Variants in SAG observed in about 807,000 individuals in gnomAD.
SAG encodes the protein S-arrestin.
SAG carries 45 observed loss-of-function variants against 55.0 expected under a neutral mutation model. The ratio of observed to expected loss-of-function variants is 0.82; its 90% confidence interval spans 0.64 to 1.05. The LOEUF (loss-of-function observed/expected upper bound fraction) is 1.05. SAG is among the 50% of genes least tolerant of loss of function. The pLI is 0.00. For synonymous variants in SAG, 189 were observed against 197.4 expected (o/e 0.96, Z 0.36); for missense variants, 455 against 512.1 (o/e 0.89, Z 1.08).
intron 1 of SAG, among the ~76,000 whole-genome samples, chr2:233,308,336 TCA>T (rs1370224488): frequency 6.6e-6 from 1 of 152,028 alleles, no homozygotes; most frequent in Admixed American, 6.6e-5. Flanking sequence ...AGGCATGGTG[TCA>T]CACACCTGTA....
chr2:233,313,705 C>G (rs2125321913), intron 2 of SAG, among the ~76,000 whole-genome samples: 1 of 139,108 alleles, frequency 7.2e-6, no homozygotes, highest in South Asian at 2.3e-4. Context: ...ACCACCTTGC[C>G]CGGGCTAATC....
chr2:233,337,434 C>T (rs975263446), intron 11 of SAG, among the ~76,000 whole-genome samples: 6 of 152,064 alleles, frequency 3.9e-5, no homozygotes, highest in African/African-American at 1.4e-4. Context: ...GATGGGGTTT[C>T]GCCATGTTGT....
intron 11 of SAG, among the ~76,000 whole-genome samples, chr2:233,337,812 T>C (rs880114): frequency 0.37 from 56,919 of 152,172 alleles, 12,480 homozygotes; most frequent in Non-Finnish European, 0.49. Flanking sequence ...CATGATTTTT[T>C]TCATATCTTA....
At chr2:233,334,838 C>A (rs1700871260) in intron 10 of SAG, 124 bp from the exon 11 acceptor site, 7 of 1,170,602 alleles carry the variant, frequency 6.0e-6, no homozygotes, top group Non-Finnish European at 1.2e-6. Context: ...GGCTCTTGAA[C>A]CCACCTTCCC....
In SAG at chr2:233,319,267, A is replaced by C. The variant is rs1700308154; in HGVS notation, c.181+472A>C. 8.1e-6 allele frequency among the ~76,000 whole-genome samples: 1 copy of C among 122,994 alleles called. No individual in the cohort carries two copies. The highest frequency in any genetic ancestry group is 1.7e-5 in the Non-Finnish European group (1 of 59,120). The allele number at this position is 122,994 out of a possible 152,430, so 80.7% of individuals were successfully genotyped here. Reference sequence around the variant, plus strand: ...ACAGGCAAAATTCTCAACCAACACCAAAAAGGGGGAAATGATGCCTGCTGG... The same window carrying C: ...ACAGGCAAAATTCTCAACCAACACCCAAAAGGGGGAAATGATGCCTGCTGG... On this transcript the variant is annotated intron_variant, in intron 4 of 15. Transcript: ENST00000409110. The surrounding 1 kb of genome is among the most constrained non-coding windows in gnomAD (Gnocchi z 4.4).
Position 233,340,686 on chromosome 2 carries a change from A to G in SAG, c.1046+208A>G, listed in dbSNP as rs954263811. 3.9e-5 allele frequency among the ~76,000 whole-genome samples: 6 copies of G among 151,996 alleles called. No homozygotes were observed. The highest frequency in any genetic ancestry group is 7.4e-5 in the Non-Finnish European group (5 of 68,000). ...CAGATTTCTTTGGGACCACAGCTAG[A>G]CCTATGCCTGGGTAAGGACACACAC... is the stretch of plus-strand genomic sequence containing the variant. On this transcript the variant is annotated intron_variant, in intron 13 of 15. Transcript: ENST00000409110. This position sits in a 1 kb window ranked among gnomAD's most constrained non-coding sequence, Gnocchi z 4.2.
chr2:233,327,487 G>GT (rs1458246554), intron 7 of SAG: 14 of 299,988 alleles, frequency 4.7e-5, no homozygotes, highest in African/African-American at 2.6e-4. Context: ...TTGTTTGTTT[G>GT]TTTTTTGTGG....
rs1273002510 is a variant in SAG at position 233,327,227 on chromosome 2, G to A, written c.512+30G>A. The A allele has an allele frequency of 2.6e-6, 4 of 1,564,526 alleles. No individual in the cohort carries two copies. The Admixed American group carries it at 5.0e-5, about 20-fold the overall frequency. ...GAGTATGGTTGCGGAATAGGTGAGG[G>A]GTCTGCGGTGGGGGTGGAGAGAAGA... On this transcript the variant is annotated intron_variant, in intron 7 of 15. Coordinates refer to ENST00000409110, the MANE Select transcript of SAG (RefSeq NM_000541.5).
intron 14 of SAG, 113 bp downstream of exon 14, chr2:233,342,439 T>A: frequency 1.2e-6 from 1 of 842,780 alleles, no homozygotes; most frequent in Non-Finnish European, 2.0e-6. Flanking sequence ...TGGCCAGGTG[T>A]AAGAGATTCC....
At chr2:233,314,878 A>G (rs920409649) in intron 2 of SAG, among the ~76,000 whole-genome samples, 1 of 152,180 alleles carries the variant, frequency 6.6e-6, no homozygotes. Context: ...GGAATTCAAA[A>G]TATTCATTCG....
chr2:233,308,069 G>A (rs1182803955), intron 1 of SAG, 47 bp downstream of exon 1: 2 of 152,490 alleles, frequency 1.3e-5, no homozygotes, highest in Non-Finnish European at 2.9e-5. Context: ...CCTGGGGCAG[G>A]TGTGGGGAAG....
chr2:233,320,013 G>A (rs767230828), intron 4 of SAG: 296 of 980,538 alleles, frequency 3.0e-4, no homozygotes, highest in Non-Finnish European at 3.3e-4. Flanking sequence ...TCTACTGGGC[G>A]CACACTTCAG....
intron 9 of SAG, among the ~76,000 whole-genome samples, chr2:233,330,475 CCCTTCCTTCCTTCCTTCCTTCCTT>C (rs775846940): frequency 8.6e-5 from 4 of 46,366 alleles, no homozygotes; most frequent in East Asian, 4.5e-4. Flanking sequence ...TTCCCTCCCT[CCCTTCCTTCCTTCCTTCCTTCCTT>C]CCTTCCTTCC....
intron 2 of SAG, among the ~76,000 whole-genome samples, chr2:233,310,928 C>T (rs182970748): frequency 1.4e-4 from 21 of 152,232 alleles, no homozygotes; most frequent in African/African-American, 4.3e-4. Context: ...AGTTAAGGAA[C>T]TCGGTCATTT....
At chr2:233,320,432 T>C (rs994540296) in intron 4 of SAG, among the ~76,000 whole-genome samples, 198 bp from the exon 5 acceptor site, 15 of 152,202 alleles carry the variant, frequency 9.9e-5, no homozygotes, top group African/African-American at 3.1e-4. Context: ...GATCTCCCTT[T>C]AGAGCGGTGA....
At chr2:233,336,541 A>G (rs993324111) in intron 11 of SAG, among the ~76,000 whole-genome samples, 3 of 151,972 alleles carry the variant, frequency 2.0e-5, no homozygotes, top group Non-Finnish European at 4.4e-5. Flanking sequence ...AACCAACAAA[A>G]CAAAAAAATC....
chr2:233,345,373 G>C (rs1701220968), intron 14 of SAG: 1 of 152,222 alleles, frequency 6.6e-6, no homozygotes, highest in Non-Finnish European at 1.5e-5. Context: ...ACAGATGGAG[G>C]TGCCAGGGTG....
intron 5 of SAG, among the ~76,000 whole-genome samples, chr2:233,322,247 T>C (rs1700412332): frequency 6.6e-6 from 1 of 151,414 alleles, no homozygotes; most frequent in Admixed American, 6.6e-5. Flanking sequence ...ATGGAATTAA[T>C]TGTCTAAAAC....
At chr2:233,324,522 C>T (rs545929936) in intron 6 of SAG, among the ~76,000 whole-genome samples, 1 of 152,266 alleles carries the variant, frequency 6.6e-6, no homozygotes, top group East Asian at 1.9e-4. Flanking sequence ...GAGATGGGAG[C>T]CATTGGCAGG....
Sources: gnomAD v4.1 joint callset for allele counts (sites outside exome capture counted in the v4.1 genomes callset) on GRCh38, gnomAD v4.1.1 for gene constraint, Gnocchi (gnomAD v3.1) non-coding constraint, MANE v1.5 for transcripts, NCBI Gene and HGNC (gene_info 2026-07-23, HGNC 2026-07-21) for gene names.